The following PKP2 variants were observed in gnomAD, a reference collection of about 807,000 sequenced individuals.
PKP2 encodes plakophilin-2.
Under a neutral mutation model 83.4 loss-of-function variants are expected in PKP2, and 73 were observed. That is an observed-to-expected ratio of 0.88 (90% CI 0.72 to 1.06). The LOEUF is 1.06. Among genes scored for constraint, PKP2 ranks in the 50% least tolerant of loss-of-function variants. The probability of loss-of-function intolerance (pLI) is 0.00; values close to 1 mark genes in which losing one functional copy is unlikely to be tolerated. For synonymous variants in PKP2, 409 were observed against 430.4 expected, an observed-to-expected ratio of 0.95 and a Z score of 0.62; for missense variants, 966 against 1,065.4, an observed-to-expected ratio of 0.91 and a Z score of 1.30.
chr12:32,832,252 C>A (rs953406091), intron 6 of PKP2, among the ~76,000 whole-genome samples: 8 of 152,016 alleles, frequency 5.3e-5, no homozygotes, highest in Non-Finnish European at 8.8e-5. Flanking sequence ...GTGGTGCGCA[C>A]CTGTAGTCCC....
At chr12:32,857,300 C>T (rs1956758530) in intron 4 of PKP2, among the ~76,000 whole-genome samples, 1 of 152,054 alleles carries the variant, frequency 6.6e-6, no homozygotes, top group African/African-American at 2.4e-5. Context: ...GTGGCATGCA[C>T]CTGTAGTCTC....
chr12:32,846,340 G>T (rs1168206999), intron 5 of PKP2, among the ~76,000 whole-genome samples: 2 of 152,156 alleles, frequency 1.3e-5, no homozygotes, highest in Non-Finnish European at 2.9e-5. Flanking sequence ...CCGGGGTGGG[G>T]GGAGTGGGGG....
intron 4 of PKP2, among the ~76,000 whole-genome samples, chr12:32,866,081 CAG>C (rs1452054902): frequency 6.6e-6 from 1 of 151,974 alleles, no homozygotes; most frequent in Non-Finnish European, 1.5e-5. Flanking sequence ...AATGAAAAAA[CAG>C]AGCACAACTG....
intron 5 of PKP2, among the ~76,000 whole-genome samples, chr12:32,848,238 C>T (rs1005431364): frequency 1.2e-4 from 18 of 152,198 alleles, no homozygotes; most frequent in African/African-American, 4.1e-4. Context: ...GCCTGATCAA[C>T]GTGGCGAAAC....
intron 9 of PKP2, among the ~76,000 whole-genome samples, chr12:32,802,950 T>C (rs1250271960): frequency 6.6e-6 from 1 of 151,514 alleles, no homozygotes; most frequent in African/African-American, 2.4e-5. Flanking sequence ...TGAACCACCA[T>C]GCCCAGCCGA....
intron 9 of PKP2, among the ~76,000 whole-genome samples, chr12:32,816,750 G>C (rs1176775145): frequency 6.6e-6 from 1 of 152,054 alleles, no homozygotes; most frequent in Non-Finnish European, 1.5e-5. Flanking sequence ...ACCAGCATCT[G>C]TTGTTTTTTG....
intron 5 of PKP2, among the ~76,000 whole-genome samples, chr12:32,846,560 C>T (rs1956646222): frequency 6.6e-6 from 1 of 151,996 alleles, no homozygotes; most frequent in African/African-American, 2.4e-5. Context: ...GCCTGACCAA[C>T]ATGGAGAAAC....
intron 11 of PKP2, 79 bp downstream of exon 11, chr12:32,796,030 A>G: frequency 8.3e-7 from 1 of 1,211,972 alleles, no homozygotes. Flanking sequence ...TCATGACCGC[A>G]CATTCACAAC....
At chr12:32,871,018 CA>C (rs989937756) in intron 3 of PKP2, among the ~76,000 whole-genome samples, 8 of 152,112 alleles carry the variant, frequency 5.3e-5, no homozygotes, top group Non-Finnish European at 1.0e-4. Flanking sequence ...CTACAGCTGT[CA>C]GGGGGTCAAC....
chr12:32,873,942 C>G (rs1044350930), intron 3 of PKP2, among the ~76,000 whole-genome samples: 2 of 152,144 alleles, frequency 1.3e-5, no homozygotes, highest in African/African-American at 2.4e-5. Flanking sequence ...AAAAATTCAT[C>G]TATAATTTTT....
rs749154219 is a variant in PKP2, at chr12:32,796,287, G to C, written c.2179C>G (p.Leu727Val). 6.2e-7 allele frequency: 1 copy of C among 1,606,432 alleles called. No homozygotes were observed. Among genetic ancestry groups the C allele is most frequent in the Non-Finnish European group, 8.5e-7 (1 of 1,174,994 alleles). The change falls in exon 11 of 13, where the codon CTC (leucine) becomes GTC (valine). Residue 727 changes from leucine to valine, a missense_variant. Leu to Val is a conservative substitution (Grantham distance 32). Coordinates refer to ENST00000340811, the MANE Select transcript of PKP2 (RefSeq NM_001005242.3). ...SLQNEIAKET[L>V]PDLVSIIPDT... ...GGAATGATGGAAACCAAATCAGGGA[G>C]AGTTTCTTTGGCTACAAAATGAAAA...
chr12:32,834,476 A>C (rs941308063), intron 6 of PKP2, among the ~76,000 whole-genome samples: 11 of 152,158 alleles, frequency 7.2e-5, no homozygotes, highest in African/African-American at 2.7e-4. Flanking sequence ...GAGGCCACTA[A>C]CAGAAGCTCC....
chr12:32,823,967 C>A (rs1233094357), intron 7 of PKP2, 78 bp downstream of exon 7: 25 of 919,596 alleles, frequency 2.7e-5, no homozygotes, highest in Non-Finnish European at 4.1e-5. Context: ...GTGAATAAAC[C>A]TAAAACCAAG....
chr12:32,873,532 TTTAA>T (rs1290036826), intron 3 of PKP2, among the ~76,000 whole-genome samples: 1 of 152,104 alleles, frequency 6.6e-6, no homozygotes, highest in Non-Finnish European at 1.5e-5. Flanking sequence ...CTTTTATTTA[TTTAA>T]TTATTATTTT....
chr12:32,858,109 A>T (rs1407932577), intron 4 of PKP2, among the ~76,000 whole-genome samples: 3 of 98,574 alleles, frequency 3.0e-5, no homozygotes, highest in African/African-American at 1.2e-4. Flanking sequence ...ATATATATAT[A>T]TATATATTTA....
chr12:32,868,846 T>G (rs886775700), intron 4 of PKP2, 81 bp downstream of exon 4: 1 of 1,439,892 alleles, frequency 6.9e-7, no homozygotes, highest in Non-Finnish European at 9.7e-7. Flanking sequence ...TTTAAATAAA[T>G]TATTGGTTTC....
At chr12:32,839,451 G>A (rs535302901) in intron 6 of PKP2, among the ~76,000 whole-genome samples, 3 of 140,672 alleles carry the variant, frequency 2.1e-5, no homozygotes, top group Admixed American at 7.6e-5. Flanking sequence ...AGGCTTCTTT[G>A]CATTTGCAGG....
At chr12:32,798,077 T>TGGAAAA (rs1956144988) in intron 10 of PKP2, among the ~76,000 whole-genome samples, 1 of 125,824 alleles carries the variant, frequency 7.9e-6, no homozygotes, top group Non-Finnish European at 1.6e-5. Flanking sequence ...TAAGTAATAC[T>TGGAAAA]ACTCTTGTTT....
At chr12:32,883,730 T>C (rs1235208829) in intron 1 of PKP2, among the ~76,000 whole-genome samples, 1 of 152,212 alleles carries the variant, frequency 6.6e-6, no homozygotes, top group Non-Finnish European at 1.5e-5. Flanking sequence ...TACCGCTTTG[T>C]ATGTGTCTGG....
Sources: allele counts gnomAD v4.1 joint callset (sites outside exome capture counted in the v4.1 genomes callset), GRCh38; gene constraint gnomAD v4.1.1; transcripts MANE v1.5; gene names NCBI Gene and HGNC (gene_info 2026-07-23, HGNC 2026-07-21).